The following MKX variants were observed in gnomAD, a reference collection of about 807,000 sequenced individuals.
The protein encoded by MKX is homeobox protein Mohawk.
In MKX, 13 loss-of-function variants were observed where a neutral mutation model predicts 36.0. That is an observed-to-expected ratio of 0.36 (90% confidence interval 0.24 to 0.57). MKX has a LOEUF of 0.57. Among genes scored for constraint, MKX ranks in the 20% least tolerant of loss-of-function variants. The probability of loss-of-function intolerance (pLI) is 0.79; values close to 1 mark genes in which losing one functional copy is unlikely to be tolerated. For missense variants in MKX, 458 were observed against 456.4 expected (o/e 1.00, Z -0.03); for synonymous variants, 176 against 178.3 (o/e 0.99, Z 0.10).
At chr10:27,704,308 C>T (rs1836712863) in intron 5 of MKX, among the ~76,000 whole-genome samples, 1 of 152,006 alleles carries the variant, frequency 6.6e-6, no homozygotes, top group African/African-American at 2.4e-5. Flanking sequence ...TTAAAAGTAA[C>T]AAAAGCATTT....
At chr10:27,740,666 C>T (rs967839855) in intron 3 of MKX, among the ~76,000 whole-genome samples, 3 of 152,176 alleles carry the variant, frequency 2.0e-5, no homozygotes, top group African/African-American at 7.2e-5. Context: ...GGCAAAGTAA[C>T]CCAACCATCT....
intron 5 of MKX, among the ~76,000 whole-genome samples, chr10:27,726,888 C>T (rs1175153515): frequency 2.0e-5 from 3 of 151,904 alleles, no homozygotes; most frequent in Admixed American, 6.6e-5. Context: ...CATCAAAACA[C>T]GAATTCATTC....
intron 5 of MKX, among the ~76,000 whole-genome samples, chr10:27,697,553 C>T (rs1836577274): frequency 6.6e-6 from 1 of 152,158 alleles, no homozygotes; most frequent in Admixed American, 6.5e-5. Context: ...GGTCCAAGGC[C>T]AAATTGTTAG....
chr10:27,717,856 A>G (rs184258382), intron 5 of MKX, among the ~76,000 whole-genome samples: 29 of 152,372 alleles, frequency 1.9e-4, no homozygotes, highest in Admixed American at 8.5e-4. Flanking sequence ...CCCATGCAGC[A>G]TAACAGGGAC....
chr10:27,686,663 G>A (rs1215988459), intron 5 of MKX, among the ~76,000 whole-genome samples: 1 of 152,064 alleles, frequency 6.6e-6, no homozygotes, highest in African/African-American at 2.4e-5. Flanking sequence ...TTTTAGTAGA[G>A]ATGGGGTTTC....
intron 5 of MKX, among the ~76,000 whole-genome samples, chr10:27,702,994 G>A (rs976061609): frequency 6.6e-5 from 10 of 152,074 alleles, no homozygotes; most frequent in African/African-American, 1.2e-4. Flanking sequence ...TTAGGCTTCC[G>A]AAAAGCTTCA....
chr10:27,711,499 T>TCTCTCTCCCTTCCTTCCTTCCTTCC (rs1554772224), intron 5 of MKX, among the ~76,000 whole-genome samples: 8 of 93,072 alleles, frequency 8.6e-5, no homozygotes, highest in African/African-American at 3.6e-4. Flanking sequence ...CTCTCTCTTC[T>TCTCTCTCCCTTCCTTCCTTCCTTCC]TTCCTTCCTT....
chr10:27,726,546 A>G (rs1270050586), intron 5 of MKX, among the ~76,000 whole-genome samples: 1 of 151,930 alleles, frequency 6.6e-6, no homozygotes, highest in Non-Finnish European at 1.5e-5. Flanking sequence ...TGTGCTTTTT[A>G]TTCTTTGGTG....
intron 2 of MKX, 56 bp downstream of exon 2, chr10:27,743,172 C>T: frequency 7.2e-7 from 1 of 1,387,618 alleles, no homozygotes; most frequent in Non-Finnish European, 9.3e-7. Context: ...TCACAGCTCA[C>T]CACCCCCACC....
rs532954861 is a variant in MKX, at chr10:27,682,813, T to C, written c.839-7259A>G. On this transcript the variant is annotated intron_variant, in intron 5 of 6. Transcript: ENST00000419761. Reference sequence around the variant, plus strand: ...GGCCAATACAGTGAAACCCCGTCTCTACTAAAAATACAAAAATTAGCCAGG... The same window carrying C: ...GGCCAATACAGTGAAACCCCGTCTCCACTAAAAATACAAAAATTAGCCAGG... Among the ~76,000 whole-genome samples the C allele has an allele frequency of 1.1e-4, 17 of 151,970 alleles. No homozygotes were observed. The South Asian group carries it at 3.1e-3, about 28-fold the overall frequency.
chr10:27,743,597 C>T (rs1834972306), intron 1 of MKX, 100 bp from the exon 2 acceptor site: 1 of 644,880 alleles, frequency 1.6e-6, no homozygotes, highest in Non-Finnish European at 2.4e-6. Flanking sequence ...GGCTGCGGAG[C>T]CGAGGGGAGG....
intron 5 of MKX, among the ~76,000 whole-genome samples, chr10:27,682,125 G>GT (rs1836264896): frequency 1.3e-5 from 2 of 152,150 alleles, no homozygotes; most frequent in South Asian, 4.2e-4. Context: ...TAATGTGTGT[G>GT]TTTGTGGCTT....
chr10:27,678,652 A>G (rs1836198059), intron 5 of MKX, among the ~76,000 whole-genome samples: 1 of 152,160 alleles, frequency 6.6e-6, no homozygotes, highest in African/African-American at 2.4e-5. Flanking sequence ...AATGCCATCA[A>G]TGCATGGAGC....
chr10:27,701,526 CTT>C, intron 5 of MKX, among the ~76,000 whole-genome samples: 1 of 141,262 alleles, frequency 7.1e-6, no homozygotes, highest in African/African-American at 2.6e-5. Flanking sequence ...TATTTAATAT[CTT>C]TGTATGTTTA....
intron 5 of MKX, among the ~76,000 whole-genome samples, chr10:27,686,957 T>C (rs1836366730): frequency 1.3e-5 from 2 of 150,820 alleles, no homozygotes; most frequent in Admixed American, 6.6e-5. Flanking sequence ...CAATGCATAG[T>C]CCCCCCAACT....
At chr10:27,713,945 T>G (rs1836917107) in intron 5 of MKX, among the ~76,000 whole-genome samples, 2 of 146,268 alleles carry the variant, frequency 1.4e-5, no homozygotes, top group African/African-American at 5.0e-5. Flanking sequence ...AACTTCTATT[T>G]TGTGACTTTT....
intron 5 of MKX, among the ~76,000 whole-genome samples, chr10:27,730,754 G>A (rs139231137): frequency 5.4e-4 from 82 of 151,590 alleles, no homozygotes; most frequent in African/African-American, 1.4e-3. Flanking sequence ...CACCATGCCC[G>A]GCCTCAATTG....
At chr10:27,680,959 GC>G in intron 5 of MKX, among the ~76,000 whole-genome samples, 1 of 152,312 alleles carries the variant, frequency 6.6e-6, no homozygotes, top group South Asian at 2.1e-4. Flanking sequence ...GGAAGAGGAA[GC>G]CACTCATATT....
chr10:27,708,747 T>C (rs542694619), intron 5 of MKX, among the ~76,000 whole-genome samples: 33 of 147,976 alleles, frequency 2.2e-4, no homozygotes, highest in Non-Finnish European at 4.2e-4. Context: ...AAAACGACTA[T>C]TGCCAGATAA....
Sources: gnomAD v4.1 joint callset for allele counts (sites outside exome capture counted in the v4.1 genomes callset) on GRCh38, gnomAD v4.1.1 for gene constraint, MANE v1.5 for transcripts, NCBI Gene and HGNC (gene_info 2026-07-23, HGNC 2026-07-21) for gene names.